The following ZC3H6 variants were observed in gnomAD, a reference collection of about 807,000 sequenced individuals.
ZC3H6 encodes zinc finger CCCH-type containing 6.
In ZC3H6, 40 loss-of-function variants were observed where a neutral mutation model predicts 107.7. That is an observed-to-expected ratio of 0.37 (90% confidence interval 0.29 to 0.48). The LOEUF (loss-of-function observed/expected upper bound fraction) is 0.48. Ranked by LOEUF, ZC3H6 falls within the 20% of genes least tolerant of loss-of-function variation. The pLI, the probability that ZC3H6 is intolerant of heterozygous loss-of-function variation, is 0.98. For missense variants in ZC3H6, 1,267 were observed against 1,410.4 expected (o/e 0.90, Z 1.63); for synonymous variants, 493 against 487.9 (o/e 1.01, Z -0.14).
chr2:112,296,551 GT>G (rs1317614652), intron 1 of ZC3H6, among the ~76,000 whole-genome samples: 9 of 152,226 alleles, frequency 5.9e-5, no homozygotes, highest in Non-Finnish European at 1.3e-4. Context: ...AGGTTTTGTA[GT>G]TTATAAAAGT....
intron 1 of ZC3H6, among the ~76,000 whole-genome samples, chr2:112,288,604 T>C (rs1471191561): frequency 6.6e-6 from 1 of 152,228 alleles, no homozygotes; most frequent in Admixed American, 6.5e-5. Flanking sequence ...CACAGATCTT[T>C]CTGGTTCTAG....
At chr2:112,297,096 GTAGC>G (rs1423671424) in intron 1 of ZC3H6, among the ~76,000 whole-genome samples, 1 of 152,196 alleles carries the variant, frequency 6.6e-6, no homozygotes, top group African/African-American at 2.4e-5. Flanking sequence ...GAAATTGAAA[GTAGC>G]TGGGTGAGCA....
intron 11 of ZC3H6, among the ~76,000 whole-genome samples, chr2:112,327,241 G>A (rs1378791936): frequency 6.6e-6 from 1 of 152,112 alleles, no homozygotes; most frequent in Non-Finnish European, 1.5e-5. Context: ...ATATCTTACT[G>A]TAGTTTTGAT....
chr2:112,279,164 A>G (rs1573942682), intron 1 of ZC3H6, among the ~76,000 whole-genome samples: 1 of 152,186 alleles, frequency 6.6e-6, no homozygotes, highest in Non-Finnish European at 1.5e-5. Context: ...ATTTAGGGAA[A>G]TCAGAGGGAG....
Position 112,334,577 on chromosome 2 carries a change from G to A in ZC3H6, c.*2089G>A, listed in dbSNP as rs1558959975. On this transcript the variant is annotated 3_prime_UTR_variant, in exon 12 of 12. Coordinates refer to ENST00000409871, the MANE Select transcript of ZC3H6 (RefSeq NM_198581.3). Reference sequence around the variant, plus strand: ...ATTTATTCAGTATTCTTGAGTCCCTGTTACCTCAATTGGTGTTCTAGAGGC... The same window carrying A: ...ATTTATTCAGTATTCTTGAGTCCCTATTACCTCAATTGGTGTTCTAGAGGC... 1 of 152,282 alleles carries A rather than the reference G, an allele frequency of 6.6e-6. No individual in the cohort carries two copies. 9.4% of individuals were successfully genotyped at this position (152,282 alleles called of 1,614,324 possible).
At chr2:112,327,118 A>G (rs990780332) in intron 11 of ZC3H6, among the ~76,000 whole-genome samples, 2 of 152,180 alleles carry the variant, frequency 1.3e-5, no homozygotes, top group Non-Finnish European at 2.9e-5. Flanking sequence ...TAGTGGTCGT[A>G]CTAATTTACT....
At chr2:112,314,049 C>T (rs1676644304) in intron 5 of ZC3H6, among the ~76,000 whole-genome samples, 1 of 152,054 alleles carries the variant, frequency 6.6e-6, no homozygotes, top group African/African-American at 2.4e-5. Flanking sequence ...TACATTTCCT[C>T]TACCTGATAT....
chr2:112,331,993 C>G lies in ZC3H6; in HGVS notation c.3075C>G (p.Ala1025=). 1 of 1,613,978 alleles carries G rather than the reference C, an allele frequency of 6.2e-7. No homozygotes were observed. The highest frequency in any genetic ancestry group is 1.7e-5 in the Admixed American group (1 of 60,020). Reference sequence around the variant, plus strand: ...GTTCCGGGGCTCTGCCTCCATATGCCCCTAAACTCTCTTCCTCAGCTGGCC... The same window carrying G: ...GTTCCGGGGCTCTGCCTCCATATGCGCCTAAACTCTCTTCCTCAGCTGGCC... ...NSGSGALPPY[A]PKLSSSAGLP... Residue 1025 remains alanine (A), a synonymous_variant, in exon 12 of 12, where the codon GCC becomes GCG. Transcript: ENST00000409871.
intron 9 of ZC3H6, 53 bp downstream of exon 9, chr2:112,322,955 A>C: frequency 6.6e-7 from 1 of 1,510,208 alleles, no homozygotes; most frequent in Non-Finnish European, 8.9e-7. Flanking sequence ...GAAAATTATC[A>C]TTAAGAAACT....
intron 1 of ZC3H6, among the ~76,000 whole-genome samples, chr2:112,290,751 G>A (rs1337095515): frequency 6.6e-6 from 1 of 151,980 alleles, no homozygotes; most frequent in Admixed American, 6.6e-5. Context: ...TCTGGATTAA[G>A]TCAGAATGTC....
chr2:112,276,053 C>G, intron 1 of ZC3H6, 27 bp downstream of exon 1: 2 of 1,538,330 alleles, frequency 1.3e-6, no homozygotes, highest in Non-Finnish European at 1.8e-6. Context: ...GTCTGTCTTT[C>G]TGTCGGATGA....
At chr2:112,315,692 T>C (rs1573960387) in intron 5 of ZC3H6, among the ~76,000 whole-genome samples, 1 of 151,920 alleles carries the variant, frequency 6.6e-6, no homozygotes, top group Non-Finnish European at 1.5e-5. Flanking sequence ...ACCTCCCAGG[T>C]TCAAGCGATT....
At chr2:112,325,478 AG>A (rs1375999456) in intron 11 of ZC3H6, among the ~76,000 whole-genome samples, 2 of 152,076 alleles carry the variant, frequency 1.3e-5, no homozygotes, top group African/African-American at 4.8e-5. Context: ...CAAAAAAAAA[AG>A]GATTAAAAAT....
At position 112,324,335 on chromosome 2, in the gene ZC3H6, T is replaced by C. The variant is rs752156647; in HGVS notation, c.1524T>C (p.Pro508=). ...SPGHHPCAGP[P]GLPVPQSPPL... The stretch of plus-strand genomic sequence containing the variant: ...GACATCACCCATGTGCAGGACCTCC[T>C]GGTCTACCAGTGCCACAGAGCCCAC... Residue 508 remains proline (P), a synonymous_variant, in exon 10 of 12, where the codon CCT becomes CCC. Coordinates refer to ENST00000409871, the MANE Select transcript of ZC3H6 (RefSeq NM_198581.3). The C allele has an allele frequency of 6.3e-5, 101 of 1,613,884 alleles. No homozygotes were observed. The highest frequency in any genetic ancestry group is 8.0e-5 in the Non-Finnish European group (94 of 1,179,880).
intron 1 of ZC3H6, among the ~76,000 whole-genome samples, chr2:112,276,684 CTTGAATA>C (rs1263785994): frequency 6.6e-6 from 1 of 152,218 alleles, no homozygotes; most frequent in African/African-American, 2.4e-5. Context: ...GTGTGTATCA[CTTGAATA>C]TTGAGATTCT....
intron 1 of ZC3H6, among the ~76,000 whole-genome samples, chr2:112,298,029 G>A (rs776720594): frequency 6.6e-5 from 10 of 152,138 alleles, no homozygotes; most frequent in Non-Finnish European, 1.3e-4. Context: ...CACGAGAATC[G>A]CTTGAACCTG....
Position 112,331,899 on chromosome 2 carries a change from G to A in ZC3H6, c.2981G>A (p.Gly994Asp). The A allele has an allele frequency of 6.2e-7, 1 of 1,613,930 alleles. No individual in the cohort carries two copies. The highest frequency in any genetic ancestry group is 8.5e-7 in the Non-Finnish European group (1 of 1,179,884). The change falls in exon 12 of 12, where the codon GGT (glycine) becomes GAT (aspartate). Residue 994 changes from glycine (G) to aspartate (D), a missense_variant. Transcript: ENST00000409871. ...ATGAAGGATTCACATGCATCAAAGG[G>A]TGCCCCTCACTTACCCAGATCAAAC... Reference protein sequence around the residue: ...VVMKDSHASKGAPHLPRSNPG... With the variant: ...VVMKDSHASKDAPHLPRSNPG...
rs7579802 is a variant in ZC3H6, at chr2:112,337,528, A to C, written c.*5040A>C. On this transcript the variant is annotated 3_prime_UTR_variant, in exon 12 of 12. Coordinates refer to ENST00000409871, the MANE Select transcript of ZC3H6 (RefSeq NM_198581.3). ...CTAGAGACGGGGTTTCACCATGTTG[A>C]TCAGGCTGATCTTGAACTCCTGACC... is the stretch of plus-strand genomic sequence containing the variant. 1 of 150,994 alleles carries C rather than the reference A, an allele frequency of 6.6e-6. No individual in the cohort carries two copies. The highest frequency in any genetic ancestry group is 1.5e-5 in the Non-Finnish European group (1 of 67,864). 9.4% of individuals were successfully genotyped at this position (150,994 alleles called of 1,614,324 possible). A position where few individuals can be genotyped will look rare whatever the true frequency, so the allele number is the denominator to read the frequency against.
At chr2:112,291,403 T>G (rs1676113053) in intron 1 of ZC3H6, among the ~76,000 whole-genome samples, 4 of 152,208 alleles carry the variant, frequency 2.6e-5, no homozygotes, top group Non-Finnish European at 5.9e-5. Context: ...CTGGCCAATT[T>G]TTGTAGTTTT....
Sources: gnomAD v4.1 joint callset for allele counts (sites outside exome capture counted in the v4.1 genomes callset) on GRCh38, gnomAD v4.1.1 for gene constraint, MANE v1.5 for transcripts, NCBI Gene and HGNC (gene_info 2026-07-23, HGNC 2026-07-21) for gene names.